GPHN: variants seen among roughly 807,000 people sequenced by gnomAD.
GPHN encodes the protein gephyrin.
GPHN carries 17 observed loss-of-function variants against 95.5 expected under a neutral mutation model. That is an observed-to-expected ratio of 0.18 (90% CI 0.12 to 0.27). The LOEUF is 0.27. GPHN is among the 10% of genes least tolerant of loss of function. The pLI is 1.00. For missense variants in GPHN, 660 were observed against 978.1 expected (o/e 0.67, Z 4.34); for synonymous variants, 320 against 322.5 (o/e 0.99, Z 0.08).
At chr14:66,818,189 G>C (rs538004468) in intron 3 of GPHN, among the ~76,000 whole-genome samples, 1 of 152,110 alleles carries the variant, frequency 6.6e-6, no homozygotes, top group East Asian at 1.9e-4. Context: ...AGGGTTGGTT[G>C]TACAGATTAT....
chr14:67,279,107 C>G, the GPHN span: 2 of 1,361,824 alleles, frequency 1.5e-6, no homozygotes, highest in African/African-American at 3.0e-5. Flanking sequence ...ACTACAGAAT[C>G]AAGAGAATTG....
At chr14:67,431,391 CAAAAAAAAAAAAAAAA>C in the GPHN span, among the ~76,000 whole-genome samples, 7 of 77,516 alleles carry the variant, frequency 9.0e-5, no homozygotes, top group Admixed American at 4.2e-4. Flanking sequence ...GACTCTGTCT[CAAAAAAAAAAAAAAAA>C]AAAAAAAAAA....
At chr14:67,667,777 T>C in the GPHN span, among the ~76,000 whole-genome samples, 2 of 152,192 alleles carry the variant, frequency 1.3e-5, no homozygotes, top group Admixed American at 6.5e-5. Flanking sequence ...ACCCTGTCTC[T>C]ACTAAAAATA....
chr14:67,542,105 C>A, the GPHN span: 4 of 1,010,450 alleles, frequency 4.0e-6, no homozygotes, highest in African/African-American at 6.6e-5. Context: ...AGATGCTTTT[C>A]CCCATATGCA....
chr14:67,631,938 A>C, the GPHN span, among the ~76,000 whole-genome samples: 1 of 152,078 alleles, frequency 6.6e-6, no homozygotes, highest in Non-Finnish European at 1.5e-5. Context: ...GCAGTGGTGT[A>C]ATCTTGGCTC....
the GPHN span, among the ~76,000 whole-genome samples, chr14:67,521,551 C>G: frequency 6.6e-6 from 1 of 152,262 alleles, no homozygotes; most frequent in African/African-American, 2.4e-5. Context: ...GTCCTGTCCT[C>G]TCTTGTTTTT....
intron 2 of GPHN, among the ~76,000 whole-genome samples, chr14:66,723,200 C>A (rs927060817): frequency 2.7e-5 from 4 of 146,514 alleles, no homozygotes; most frequent in Admixed American, 6.9e-5. Context: ...GTAAAGAGTT[C>A]TCTGTTGTAA....
At chr14:67,700,797 G>A in the GPHN span, among the ~76,000 whole-genome samples, 1 of 151,868 alleles carries the variant, frequency 6.6e-6, no homozygotes, top group Non-Finnish European at 1.5e-5. Context: ...GGCCGAGGCG[G>A]GTGGATCAGC....
the GPHN span, among the ~76,000 whole-genome samples, chr14:67,459,664 G>C: frequency 1.3e-5 from 2 of 152,228 alleles, no homozygotes; most frequent in Non-Finnish European, 2.9e-5. Flanking sequence ...TTGAGGGTCA[G>C]AGACATCACT....
At chr14:67,580,801 C>T in the GPHN span, 1,136 of 609,280 alleles carry the variant, frequency 1.9e-3, 7 homozygotes, top group Non-Finnish European at 2.5e-3. Context: ...CATGAAGCTC[C>T]GCAGGTCAGC....
At chr14:67,567,038 T>C in the GPHN span, among the ~76,000 whole-genome samples, 3 of 152,256 alleles carry the variant, frequency 2.0e-5, no homozygotes, top group African/African-American at 7.2e-5. Flanking sequence ...CAAAAGAATG[T>C]AAGGAGATCT....
rs761412853 is a variant in GPHN at position 67,179,622 on chromosome 14, G to T, written c.2124G>T (p.Arg708=). 7.5e-6 allele frequency: 12 copies of T among 1,609,252 alleles called. No homozygotes were observed. The highest frequency in any genetic ancestry group is 9.4e-6 in the Non-Finnish European group (11 of 1,175,706). ...TTGATCCTCGTCCAGAATACCATCG[G>T]TGTATACTAACTTGGCATCACCAAG... ...VKLDPRPEYH[R]CILTWHHQEP... Residue 708 remains arginine, a synonymous_variant, in exon 22 of 23, where the codon CGG becomes CGT. Transcript: ENST00000478722.
At chr14:66,697,411 A>G (rs10136589) in intron 2 of GPHN, among the ~76,000 whole-genome samples, 4,440 of 152,240 alleles carry the variant, frequency 0.029, 199 homozygotes, top group African/African-American at 0.1. Context: ...ATTTTTTACT[A>G]CTTGTAATTT....
At chr14:67,379,909 C>T in the GPHN span, among the ~76,000 whole-genome samples, 1 of 151,942 alleles carries the variant, frequency 6.6e-6, no homozygotes, top group Non-Finnish European at 1.5e-5. Context: ...CCGCCTCGGC[C>T]TCCCAAAGTG....
the GPHN span, among the ~76,000 whole-genome samples, chr14:67,408,701 TAC>T: frequency 6.6e-6 from 1 of 152,308 alleles, no homozygotes. Flanking sequence ...GATCCTCCTC[TAC>T]AAGTTTCAGA....
the GPHN span, among the ~76,000 whole-genome samples, chr14:67,670,735 A>C: frequency 6.6e-6 from 1 of 152,046 alleles, no homozygotes; most frequent in Non-Finnish European, 1.5e-5. Context: ...CACCATGTTG[A>C]CCAGGATGGT....
the GPHN span, among the ~76,000 whole-genome samples, chr14:67,362,749 TA>T: frequency 8.5e-4 from 128 of 150,828 alleles, no homozygotes; most frequent in East Asian, 5.2e-3. Flanking sequence ...TTTTTTAAGT[TA>T]AAAAAAAAAT....
the GPHN span, chr14:67,702,007 G>A: frequency 2.0e-4 from 31 of 152,250 alleles, no homozygotes; most frequent in African/African-American, 7.2e-4. Flanking sequence ...TGTAGAGACA[G>A]TGTCTCACTA....
At chr14:67,570,095 A>AG in the GPHN span, 1 of 979,298 alleles carries the variant, frequency 1.0e-6, no homozygotes, top group Admixed American at 2.0e-5. Context: ...GCGGGGCTCT[A>AG]GGGCCAGGCT....
Sources: allele counts gnomAD v4.1 joint callset (sites outside exome capture counted in the v4.1 genomes callset), GRCh38; gene constraint gnomAD v4.1.1; transcripts MANE v1.5; gene names NCBI Gene and HGNC (gene_info 2026-07-23, HGNC 2026-07-21).